Variants in FYN observed in about 807,000 individuals in gnomAD.
FYN encodes the protein tyrosine-protein kinase Fyn.
A neutral mutation model predicts 70.2 loss-of-function variants in FYN; 10 were observed. The observed-to-expected ratio is 0.14, with a 90% CI of 0.09 to 0.24. The LOEUF (loss-of-function observed/expected upper bound fraction) is 0.24. FYN is among the 10% of genes least tolerant of loss of function. FYN has a pLI of 1.00. For synonymous variants in FYN, 236 were observed against 248.6 expected, an observed-to-expected ratio of 0.95 and a Z score of 0.48; for missense variants, 319 against 673.1, an observed-to-expected ratio of 0.47 and a Z score of 5.82.
intron 8 of FYN, 91 bp from the exon 9 acceptor site, chr6:111,700,359 C>T (rs984539025): frequency 1.5e-6 from 2 of 1,315,246 alleles, no homozygotes; most frequent in Non-Finnish European, 2.1e-6. Flanking sequence ...ACTAGCGGCG[C>T]ACAGTGCTCC....
intron 3 of FYN, among the ~76,000 whole-genome samples, chr6:111,757,741 T>A (rs1802802766): frequency 6.6e-6 from 1 of 152,194 alleles, no homozygotes; most frequent in Non-Finnish European, 1.5e-5. Context: ...TAGGGAGAGT[T>A]ACTTCTGTTG....
chr6:111,850,159 A>G (rs1188095020), intron 1 of FYN, among the ~76,000 whole-genome samples: 4 of 152,238 alleles, frequency 2.6e-5, no homozygotes, highest in Non-Finnish European at 5.9e-5. Flanking sequence ...ACCATGTATC[A>G]TACAGGATGA....
At chr6:111,671,282 G>A (rs565579607) in intron 13 of FYN, among the ~76,000 whole-genome samples, 13 of 151,916 alleles carry the variant, frequency 8.6e-5, no homozygotes, top group African/African-American at 2.9e-4. Flanking sequence ...TAACATCTCC[G>A]CCTCCCTTTG....
intron 3 of FYN, among the ~76,000 whole-genome samples, chr6:111,762,393 C>T (rs1424490438): frequency 1.3e-5 from 2 of 152,112 alleles, no homozygotes; most frequent in Non-Finnish European, 2.9e-5. Flanking sequence ...CATGGGGATC[C>T]AAAGAAACCT....
intron 2 of FYN, among the ~76,000 whole-genome samples, chr6:111,790,460 G>C (rs147454906): frequency 2.8e-4 from 42 of 152,066 alleles, no homozygotes; most frequent in African/African-American, 1.0e-3. Context: ...ATCTCAGATC[G>C]AGTCTCCCAC....
At chr6:111,803,374 CT>C (rs36105401) in intron 2 of FYN, among the ~76,000 whole-genome samples, 56 of 149,480 alleles carry the variant, frequency 3.7e-4, no homozygotes, top group Admixed American at 1.5e-3. Flanking sequence ...ACCCCACAAT[CT>C]TTTTTTTTTA....
chr6:111,669,438 CAAA>C lies in FYN; in HGVS notation c.1405+5058_1405+5060del, dbSNP rs10690295. ...TGACAGAGCAAGATTCCATCCATCTCAAAAAAAAAAAAAAAAAAAAAAGAAAGT... is the reference window on the plus strand; with the variant it reads ...TGACAGAGCAAGATTCCATCCATCTCAAAAAAAAAAAAAAAAAAAGAAAGT... On this transcript the variant is annotated intron_variant, in intron 13 of 13. Coordinates refer to ENST00000354650, the MANE Select transcript of FYN (RefSeq NM_002037.5). Among the ~76,000 whole-genome samples the C allele has an allele frequency of 7.2e-3, 407 of 56,824 alleles. 4 individuals are homozygous for C. The highest frequency in any genetic ancestry group is 0.024 in the African/African-American group (371 of 15,442). The allele number at this position is 56,824 out of a possible 152,430, so 37.3% of individuals were successfully genotyped here.
At chr6:111,771,075 C>T (rs1288586469) in intron 3 of FYN, among the ~76,000 whole-genome samples, 3 of 152,192 alleles carry the variant, frequency 2.0e-5, no homozygotes, top group East Asian at 1.9e-4. Context: ...GCACCATTCC[C>T]GGTCACTCCA....
At position 111,779,371 on chromosome 6, in the gene FYN, C is replaced by T. The variant is rs181273037; in HGVS notation, c.-12+1195G>A. On this transcript the variant is annotated intron_variant, in intron 3 of 13. Transcript: ENST00000354650. ...AGCAATTGGATCCCTGTGAAGGCTA[C>T]GTAATAAGCATAGACAAAAACGTAA... Among the ~76,000 whole-genome samples, 59 of 152,034 alleles carry T rather than the reference C, an allele frequency of 3.9e-4. 1 individual carries two copies. The highest frequency in any genetic ancestry group is 1.3e-3 in the African/African-American group (55 of 41,460).
intron 2 of FYN, among the ~76,000 whole-genome samples, chr6:111,820,914 A>G (rs974063330): frequency 6.6e-6 from 1 of 152,202 alleles, no homozygotes; most frequent in African/African-American, 2.4e-5. Context: ...AACAACAACA[A>G]ACAACTAGGT....
At chr6:111,699,347 G>A (rs574586944) in intron 9 of FYN, among the ~76,000 whole-genome samples, 108 of 152,054 alleles carry the variant, frequency 7.1e-4, no homozygotes, top group Non-Finnish European at 1.2e-3. Context: ...TAGGACAGAT[G>A]AGCACAGCAA....
chr6:111,699,292 G>A (rs1401841063), intron 9 of FYN, among the ~76,000 whole-genome samples: 1 of 152,138 alleles, frequency 6.6e-6, no homozygotes, highest in African/African-American at 2.4e-5. Context: ...GATTCATAGT[G>A]TACTGGTTTC....
chr6:111,702,849 T>C (rs779589165), intron 8 of FYN, 36 bp downstream of exon 8: 1 of 1,606,328 alleles, frequency 6.2e-7, no homozygotes, highest in Non-Finnish European at 8.5e-7. Context: ...CCCTCCAGCA[T>C]CCAAATGGTT....
intron 1 of FYN, among the ~76,000 whole-genome samples, chr6:111,871,422 G>A (rs746076475): frequency 2.0e-5 from 3 of 152,234 alleles, no homozygotes; most frequent in Non-Finnish European, 2.9e-5. Flanking sequence ...TGGGTGGTGA[G>A]AAAGGAAGTA....
intron 9 of FYN, among the ~76,000 whole-genome samples, chr6:111,697,648 C>A (rs1341061833): frequency 6.6e-6 from 1 of 152,166 alleles, no homozygotes; most frequent in African/African-American, 2.4e-5. Context: ...TATAAGTGAT[C>A]TTTGCTATTT....
At chr6:111,786,678 C>T (rs1347959235) in intron 2 of FYN, among the ~76,000 whole-genome samples, 1 of 152,228 alleles carries the variant, frequency 6.6e-6, no homozygotes, top group Non-Finnish European at 1.5e-5. Context: ...TATAGTCCTA[C>T]CAACAGTGTA....
intron 2 of FYN, among the ~76,000 whole-genome samples, chr6:111,827,523 C>A (rs1052608970): frequency 1.3e-5 from 2 of 152,154 alleles, no homozygotes; most frequent in African/African-American, 4.8e-5. Flanking sequence ...TGTAATGCCC[C>A]CTTTTGGGTC....
intron 3 of FYN, among the ~76,000 whole-genome samples, chr6:111,724,184 A>C (rs1015113563): frequency 6.6e-6 from 1 of 152,218 alleles, no homozygotes; most frequent in Non-Finnish European, 1.5e-5. Flanking sequence ...ATTGCCGGAC[A>C]CAGGATTCAA....
intron 2 of FYN, among the ~76,000 whole-genome samples, chr6:111,827,118 G>C (rs940793743): frequency 1.3e-5 from 2 of 152,154 alleles, no homozygotes; most frequent in Non-Finnish European, 2.9e-5. Flanking sequence ...ACCTCATTTA[G>C]AGCAAGAGAG....
Sources: allele counts gnomAD v4.1 joint callset (sites outside exome capture counted in the v4.1 genomes callset), GRCh38; gene constraint gnomAD v4.1.1; transcripts MANE v1.5; gene names NCBI Gene and HGNC (gene_info 2026-07-23, HGNC 2026-07-21).